The following AGBL4 variants were observed in gnomAD, a reference collection of about 807,000 sequenced individuals.
The protein encoded by AGBL4 is AGBL carboxypeptidase 4.
A neutral mutation model predicts 66.4 loss-of-function variants in AGBL4; 58 were observed. The ratio of observed to expected loss-of-function variants is 0.87; its 90% CI spans 0.71 to 1.09. The LOEUF (loss-of-function observed/expected upper bound fraction) is 1.09. Ranked by LOEUF, AGBL4 falls within the 50% of genes least tolerant of loss-of-function variation. The pLI is 0.00. For synonymous variants in AGBL4, 234 were observed against 222.9 expected (o/e 1.05, Z -0.44); for missense variants, 579 against 631.0 (o/e 0.92, Z 0.88).
At chr1:48,861,169 T>C (rs566376197) in intron 6 of AGBL4, among the ~76,000 whole-genome samples, 5 of 152,232 alleles carry the variant, frequency 3.3e-5, no homozygotes, top group African/African-American at 1.2e-4. Context: ...CAAAAGTGAA[T>C]TTATAAATGC....
chr1:48,659,178 C>A (rs1427996890), intron 7 of AGBL4, among the ~76,000 whole-genome samples: 1 of 147,974 alleles, frequency 6.8e-6, no homozygotes, highest in Non-Finnish European at 1.5e-5. Flanking sequence ...TGGTCAGGCA[C>A]CTACCTGTGC....
chr1:49,302,606 TTTTTTTATTTTATTTTA>T (rs1644769611), intron 3 of AGBL4, among the ~76,000 whole-genome samples: 2 of 74,730 alleles, frequency 2.7e-5, no homozygotes, highest in Non-Finnish European at 3.7e-5. Flanking sequence ...TTTTATTTTA[TTTTTTTATTTTATTTTA>T]TTTTATTTTA....
intron 3 of AGBL4, among the ~76,000 whole-genome samples, chr1:49,476,370 G>A (rs560378735): frequency 1.3e-5 from 2 of 152,102 alleles, no homozygotes; most frequent in South Asian, 2.1e-4. Context: ...AGATGACAAC[G>A]TACATCTTGA....
chr1:48,776,514 TC>T, intron 6 of AGBL4: 8 of 931,778 alleles, frequency 8.6e-6, no homozygotes, highest in South Asian at 4.3e-5. Context: ...AAGCAGTGGC[TC>T]CCCCCGGTCC....
intron 6 of AGBL4, among the ~76,000 whole-genome samples, chr1:48,719,577 T>C (rs1647110990): frequency 6.6e-6 from 1 of 152,214 alleles, no homozygotes; most frequent in Non-Finnish European, 1.5e-5. Context: ...CCTCCATGAC[T>C]GGGCCTCTAC....
rs569557312 is a variant in AGBL4 at position 49,425,163 on chromosome 1, C to T, written c.283-179299G>A. Reference sequence around the variant, plus strand: ...GTTCTAAAATCTTAAAGTTTATGTACGAAGAAAACTTGATAAAGTTTCCTA... The same window carrying T: ...GTTCTAAAATCTTAAAGTTTATGTATGAAGAAAACTTGATAAAGTTTCCTA... On this transcript the variant is annotated intron_variant, in intron 3 of 13. Coordinates refer to ENST00000371839, the MANE Select transcript of AGBL4 (RefSeq NM_032785.4). Among the ~76,000 whole-genome samples, 437 of 152,112 alleles carry T rather than the reference C, an allele frequency of 2.9e-3. 3 individuals carry two copies. The highest frequency in any genetic ancestry group is 0.01 in the African/African-American group (415 of 41,494).
chr1:49,779,217 A>C (rs1364853179), intron 2 of AGBL4, among the ~76,000 whole-genome samples: 1 of 152,236 alleles, frequency 6.6e-6, no homozygotes, highest in Non-Finnish European at 1.5e-5. Flanking sequence ...CAAGATTACA[A>C]AGTATTTGAA....
intron 3 of AGBL4, among the ~76,000 whole-genome samples, chr1:49,380,130 G>T (rs946708427): frequency 1.3e-5 from 2 of 152,108 alleles, no homozygotes; most frequent in African/African-American, 4.8e-5. Flanking sequence ...ATCTCCTTAA[G>T]CTGATAAGCA....
chr1:49,260,273 C>T (rs966684948), intron 3 of AGBL4, among the ~76,000 whole-genome samples: 16 of 151,374 alleles, frequency 1.1e-4, no homozygotes, highest in Non-Finnish European at 1.6e-4. Flanking sequence ...CAAACACATT[C>T]AAAAGCTAGC....
intron 5 of AGBL4, among the ~76,000 whole-genome samples, chr1:49,021,787 T>G (rs1663271046): frequency 6.6e-6 from 1 of 152,180 alleles, no homozygotes; most frequent in South Asian, 2.1e-4. Context: ...AAGGTCACGC[T>G]CCTAGGAACT....
rs368638537 is a variant in AGBL4, at chr1:49,875,329, C to A, written c.35-23811G>T. On this transcript the variant is annotated intron_variant, in intron 1 of 13. Coordinates refer to ENST00000371839, the MANE Select transcript of AGBL4 (RefSeq NM_032785.4). ...CCCTCCCCCCTCCACACCACAGTCCCCAGAGTGTGATATTCCCCTTCCTGT... is the reference window on the plus strand; with the variant it reads ...CCCTCCCCCCTCCACACCACAGTCCACAGAGTGTGATATTCCCCTTCCTGT... Among the ~76,000 whole-genome samples, 227 of 120,258 alleles carry A rather than the reference C, an allele frequency of 1.9e-3. 3 individuals carry two copies. In the East Asian group the frequency reaches 0.038, roughly 20 times the overall value. 78.9% of individuals were successfully genotyped at this position (120,258 alleles called of 152,430 possible).
At position 49,915,773 on chromosome 1, in the gene AGBL4, G is replaced by A. The variant is rs968779499; in HGVS notation, c.35-64255C>T. 2.6e-5 allele frequency among the ~76,000 whole-genome samples: 4 copies of A among 152,226 alleles called. No homozygotes were observed. The South Asian group carries it at 6.2e-4, about 24-fold the overall frequency. ...AGCAAGGAGTCTGAGATCTGAGAACGGACAGGCTGCCTCCTCAAGTGGGTC... is the reference window on the plus strand; with the variant it reads ...AGCAAGGAGTCTGAGATCTGAGAACAGACAGGCTGCCTCCTCAAGTGGGTC... On this transcript the variant is annotated intron_variant, in intron 1 of 13. Transcript: ENST00000371839.
At chr1:49,804,859 T>C (rs1283717063) in intron 2 of AGBL4, among the ~76,000 whole-genome samples, 2 of 152,236 alleles carry the variant, frequency 1.3e-5, no homozygotes, top group African/African-American at 4.8e-5. Context: ...AGAGTATCCC[T>C]AGATGCATAA....
At chr1:48,644,749 C>T (rs1040866799) in intron 8 of AGBL4, among the ~76,000 whole-genome samples, 1 of 152,106 alleles carries the variant, frequency 6.6e-6, no homozygotes, top group Admixed American at 6.5e-5. Flanking sequence ...AAGTTTGAGG[C>T]CATTGTGCAG....
rs80256865 is a variant in AGBL4, at chr1:49,045,576, G to A, written c.594+8C>T. ...AAATGAGTAACCCAAACCTGGCACA[G>A]GCCTTACCACACTCTGGCCCAGCTG... is the stretch of plus-strand genomic sequence containing the variant. On this transcript the variant is annotated splice_region_variant and intron_variant, in intron 5 of 13. Transcript: ENST00000371839. 82,669 of 1,601,682 alleles carry A rather than the reference G, an allele frequency of 0.052. 2,327 individuals carry two copies. Among genetic ancestry groups the A allele is most frequent in the East Asian group, 0.092 (4,108 of 44,420 alleles).
chr1:49,671,553 C>T (rs1211305179), intron 3 of AGBL4, among the ~76,000 whole-genome samples: 2 of 152,156 alleles, frequency 1.3e-5, no homozygotes, highest in Admixed American at 1.3e-4. Flanking sequence ...AGACAACCTA[C>T]AGAATGGGAG....
At chr1:49,241,060 ACCAT>A (rs1277179694) in intron 4 of AGBL4, among the ~76,000 whole-genome samples, 1 of 151,862 alleles carries the variant, frequency 6.6e-6, no homozygotes, top group Non-Finnish European at 1.5e-5. Flanking sequence ...ATCCCTGAAA[ACCAT>A]CCACTTGTTT....
intron 3 of AGBL4, among the ~76,000 whole-genome samples, chr1:49,500,404 C>CT (rs398102706): frequency 0.53 from 76,292 of 143,602 alleles, 21,159 homozygotes; most frequent in Middle Eastern, 0.63. Flanking sequence ...ATCTATTTAT[C>CT]TTTTTTTTTT....
intron 6 of AGBL4, among the ~76,000 whole-genome samples, chr1:48,695,818 T>G (rs974194016): frequency 6.6e-6 from 1 of 152,122 alleles, no homozygotes; most frequent in Non-Finnish European, 1.5e-5. Context: ...AAGACAGACT[T>G]TTAGTTTCTA....
Sources: allele counts gnomAD v4.1 joint callset (sites outside exome capture counted in the v4.1 genomes callset), GRCh38; gene constraint gnomAD v4.1.1; transcripts MANE v1.5; gene names NCBI Gene and HGNC (gene_info 2026-07-23, HGNC 2026-07-21).